PDE3A: variants seen among roughly 807,000 people sequenced by gnomAD.
The protein encoded by PDE3A is cGMP-inhibited 3',5'-cyclic phosphodiesterase 3A.
PDE3A carries 43 observed loss-of-function variants against 98.3 expected under a neutral mutation model. That is an observed-to-expected ratio of 0.44 (90% CI 0.34 to 0.56). PDE3A has a LOEUF of 0.56. PDE3A is among the 20% of genes least tolerant of loss of function. The pLI is 0.01. For synonymous variants in PDE3A, 663 were observed against 567.9 expected, an observed-to-expected ratio of 1.17 and a Z score of -2.38; for missense variants, 1,427 against 1,440.7, an observed-to-expected ratio of 0.99 and a Z score of 0.15.
At chr12:20,473,402 T>C (rs1405650170) in intron 1 of PDE3A, among the ~76,000 whole-genome samples, 1 of 152,170 alleles carries the variant, frequency 6.6e-6, no homozygotes, top group East Asian at 1.9e-4. Context: ...TTTCAACATG[T>C]TTCCTGGTAG....
intron 1 of PDE3A, among the ~76,000 whole-genome samples, chr12:20,554,647 C>T (rs12322550): frequency 6.6e-6 from 1 of 151,388 alleles, no homozygotes; most frequent in East Asian, 2.0e-4. Context: ...AGTGCAGCAG[C>T]GCGATCTCAG....
At chr12:20,390,529 T>C (rs1202791399) in intron 1 of PDE3A, among the ~76,000 whole-genome samples, 2 of 150,344 alleles carry the variant, frequency 1.3e-5, no homozygotes, top group Non-Finnish European at 3.0e-5. Flanking sequence ...ACAAAGGGCA[T>C]GAACGCCACT....
chr12:20,455,923 A>G (rs190651978), intron 1 of PDE3A, among the ~76,000 whole-genome samples: 2 of 152,288 alleles, frequency 1.3e-5, no homozygotes, highest in Non-Finnish European at 2.9e-5. Flanking sequence ...CAAAGCGTTC[A>G]TCCCTGGAAC....
intron 2 of PDE3A, among the ~76,000 whole-genome samples, chr12:20,596,488 A>T (rs1943469196): frequency 6.6e-6 from 1 of 152,176 alleles, no homozygotes; most frequent in Non-Finnish European, 1.5e-5. Context: ...CTTAAACTGA[A>T]GTGATTAACC....
chr12:20,425,738 G>A (rs1316128896), intron 1 of PDE3A, among the ~76,000 whole-genome samples: 1 of 152,158 alleles, frequency 6.6e-6, no homozygotes, highest in Non-Finnish European at 1.5e-5. Flanking sequence ...TGACAATGAT[G>A]ATATTATATT....
chr12:20,659,910 T>C (rs1006610389), intron 15 of PDE3A, among the ~76,000 whole-genome samples: 1 of 152,232 alleles, frequency 6.6e-6, no homozygotes, highest in African/African-American at 2.4e-5. Flanking sequence ...CTGAATGCTT[T>C]AGTAAAGTCT....
In PDE3A at chr12:20,650,445, G is replaced by T. The variant is rs1256903403; in HGVS notation, c.2770G>T (p.Val924Leu). 6.3e-7 allele frequency: 1 copy of T among 1,591,712 alleles called. No individual in the cohort carries two copies. Among genetic ancestry groups the T allele is most frequent in the Non-Finnish European group, 8.6e-7 (1 of 1,165,216 alleles). Residue 924 changes from valine to leucine, a missense_variant and splice_region_variant, in exon 14 of 16, where the codon GTA becomes TTA. Physicochemically the swap from Val to Leu is conservative, Grantham distance 32. This residue lies in a region of PDE3A where 273 missense variants were observed against 420.3 expected (regional missense o/e 0.65). Coordinates refer to ENST00000359062, the MANE Select transcript of PDE3A (RefSeq NM_000921.5). ...FDFVAKFNGK[V>L]NDDVGIDWTN... ...TATATTAACTTTATCTCTCAAATAGGTAAATGATGATGTTGGAATAGATTG... is the reference window on the plus strand; with the variant it reads ...TATATTAACTTTATCTCTCAAATAGTTAAATGATGATGTTGGAATAGATTG...
chr12:20,627,381 C>G (rs1044291129), intron 5 of PDE3A, among the ~76,000 whole-genome samples: 2 of 151,164 alleles, frequency 1.3e-5, no homozygotes, highest in African/African-American at 2.4e-5. Flanking sequence ...CCAGACTTGC[C>G]CAGCAACCTC....
intron 12 of PDE3A, among the ~76,000 whole-genome samples, chr12:20,648,154 T>C (rs1018210115): frequency 6.6e-6 from 1 of 151,548 alleles, no homozygotes; most frequent in Non-Finnish European, 1.5e-5. Flanking sequence ...TTTTAAGTCA[T>C]GGACATTTTG....
intron 1 of PDE3A, among the ~76,000 whole-genome samples, chr12:20,453,493 G>T (rs1945102573): frequency 6.6e-6 from 1 of 152,062 alleles, no homozygotes; most frequent in Non-Finnish European, 1.5e-5. Context: ...ACTTGATAAT[G>T]TAGAAGTCAT....
chr12:20,471,736 A>T (rs1474048766), intron 1 of PDE3A, among the ~76,000 whole-genome samples: 1 of 152,168 alleles, frequency 6.6e-6, no homozygotes, highest in Non-Finnish European at 1.5e-5. Context: ...AAAACTCCAC[A>T]TTTCAAAGAT....
chr12:20,490,784 G>A (rs1240313788), intron 1 of PDE3A, among the ~76,000 whole-genome samples: 3 of 152,078 alleles, frequency 2.0e-5, no homozygotes, highest in African/African-American at 7.2e-5. Flanking sequence ...ATAGCTCTTT[G>A]GTACCTTATC....
intron 1 of PDE3A, among the ~76,000 whole-genome samples, chr12:20,412,185 A>T (rs1216780921): frequency 6.6e-6 from 1 of 152,172 alleles, no homozygotes. Flanking sequence ...GTTTCTTGAA[A>T]ATTTATACAT....
At chr12:20,372,742 G>A (rs935649015) in intron 1 of PDE3A, among the ~76,000 whole-genome samples, 1 of 152,038 alleles carries the variant, frequency 6.6e-6, no homozygotes, top group Non-Finnish European at 1.5e-5. Context: ...TTTTCTGAAG[G>A]AATGTCTACT....
chr12:20,542,544 T>A (rs1268494954), intron 1 of PDE3A, among the ~76,000 whole-genome samples: 2 of 152,018 alleles, frequency 1.3e-5, no homozygotes, highest in African/African-American at 4.8e-5. Context: ...ATCAAAGCAA[T>A]GTTTATGTTT....
At position 20,381,020 on chromosome 12, in the gene PDE3A, T is replaced by G. The variant is rs552752237; in HGVS notation, c.960+10776T>G. Among the ~76,000 whole-genome samples, 12 of 151,900 alleles carry G rather than the reference T, an allele frequency of 7.9e-5. No homozygotes were observed. The East Asian group carries it at 2.3e-3, about 30-fold the overall frequency. Reference sequence around the variant, plus strand: ...TTGTTTTCCCTATAATTGGAGTTGTTTTTTGCTAGGTAAGTAGGATCCAAA... The same window carrying G: ...TTGTTTTCCCTATAATTGGAGTTGTGTTTTGCTAGGTAAGTAGGATCCAAA... On this transcript the variant is annotated intron_variant, in intron 1 of 15. Transcript: ENST00000359062.
At chr12:20,670,459 C>T (rs535226006) in intron 15 of PDE3A, among the ~76,000 whole-genome samples, 2 of 152,240 alleles carry the variant, frequency 1.3e-5, no homozygotes, top group East Asian at 3.9e-4. Context: ...TAAAGCTCTC[C>T]TCAGCAAATG....
intron 15 of PDE3A, among the ~76,000 whole-genome samples, chr12:20,656,275 C>T (rs1472609580): frequency 6.6e-6 from 1 of 152,132 alleles, no homozygotes; most frequent in African/African-American, 2.4e-5. Flanking sequence ...TCATTCCAAC[C>T]ATCTTGTAAG....
At chr12:20,538,295 C>T (rs985747505) in intron 1 of PDE3A, among the ~76,000 whole-genome samples, 2 of 151,986 alleles carry the variant, frequency 1.3e-5, no homozygotes, top group Non-Finnish European at 2.9e-5. Context: ...CCCTCATGGT[C>T]GCTTTGTGTC....
Sources: allele counts gnomAD v4.1 joint callset (sites outside exome capture counted in the v4.1 genomes callset), GRCh38; gene constraint gnomAD v4.1.1; regional missense constraint gnomAD v4.1.1; transcripts MANE v1.5; gene names NCBI Gene and HGNC (gene_info 2026-07-23, HGNC 2026-07-21).